The following ESS2 variants were observed in gnomAD, a reference collection of about 807,000 sequenced individuals.
ESS2 encodes splicing factor ESS-2 homolog.
In ESS2, 31 loss-of-function variants were observed where a neutral mutation model predicts 52.0. The observed-to-expected ratio is 0.60, with a 90% CI of 0.45 to 0.81. ESS2 has a LOEUF of 0.81. Among genes scored for constraint, ESS2 ranks in the 30% least tolerant of loss-of-function variants. The probability of loss-of-function intolerance (pLI) is 0.00; values close to 1 mark genes in which losing one functional copy is unlikely to be tolerated. For missense variants in ESS2, 602 were observed against 637.2 expected, an observed-to-expected ratio of 0.94 and a Z score of 0.59; for synonymous variants, 285 against 259.2, an observed-to-expected ratio of 1.10 and a Z score of -0.95.
At position 19,132,333 on chromosome 22, in the gene ESS2, G is replaced by A. The variant is rs140125132; in HGVS notation, c.*1863C>T. ...AGGCTTGAGGCCCGACCACCGGCCC[G>A]ACCACAAGCTTGGAGCCAAAACCCA... On this transcript the variant is annotated 3_prime_UTR_variant, in exon 10 of 10. Coordinates refer to ENST00000252137, the MANE Select transcript of ESS2 (RefSeq NM_022719.3). The surrounding 1 kb of genome is among the most constrained non-coding windows in gnomAD (Gnocchi z 4.2). The A allele has an allele frequency of 3.1e-5, 50 of 1,612,858 alleles. No homozygotes were observed. In the African/African-American group the frequency reaches 3.6e-4, roughly 12 times the overall value.
chr22:19,135,119 A>T lies in ESS2; in HGVS notation c.1092T>A (p.Ala364=), dbSNP rs144058409. The T allele has an allele frequency of 2.7e-5, 43 of 1,614,004 alleles. No individual in the cohort carries two copies. The highest frequency in any genetic ancestry group is 2.3e-4 in the Admixed American group (14 of 60,022). The stretch of plus-strand genomic sequence containing the variant: ...CCTGCTTCTTGGCCCGGTTCTTGGC[A>T]GCGGCCTCGTTGGCCATCTTCAGAC... ...RLGLKMANEA[A]AKNRAKKQEA... Residue 364 remains alanine (A), a synonymous_variant, in exon 9 of 10, where the codon GCT becomes GCA. Transcript: ENST00000252137.
chr22:19,144,420 TG>T, intron 1 of ESS2, 85 bp downstream of exon 1: 2 of 1,588,458 alleles, frequency 1.3e-6, no homozygotes, highest in Middle Eastern at 3.3e-4. Context: ...GGAGACGGAG[TG>T]TCAACACCCG....
At chr22:19,143,070 TG>T (rs554838187) in intron 1 of ESS2, among the ~76,000 whole-genome samples, 176 bp from the exon 2 acceptor site, 40 of 151,920 alleles carry the variant, frequency 2.6e-4, no homozygotes, top group South Asian at 8.3e-4. Flanking sequence ...CCGGGCGTGG[TG>T]GCAGGCACCT....
At position 19,131,464 on chromosome 22, in the gene ESS2, C is replaced by G; in HGVS notation, c.*2732G>C. On this transcript the variant is annotated 3_prime_UTR_variant, in exon 10 of 10. Transcript: ENST00000252137. The surrounding 1 kb of genome is among the most constrained non-coding windows in gnomAD (Gnocchi z 5.7). Reference sequence around the variant, plus strand: ...GTAGGCATCAATCTTGGCAAGGGTTCCTACGCAAAAGTCAAATCTGCCTAC... The same window carrying G: ...GTAGGCATCAATCTTGGCAAGGGTTGCTACGCAAAAGTCAAATCTGCCTAC... The G allele has an allele frequency of 1.2e-6, 2 of 1,614,082 alleles. No individual in the cohort carries two copies. The highest frequency in any genetic ancestry group is 4.5e-5 in the East Asian group (2 of 44,876).
chr22:19,140,679 C>T (rs2083671199), intron 3 of ESS2, among the ~76,000 whole-genome samples: 1 of 152,348 alleles, frequency 6.6e-6, no homozygotes, highest in African/African-American at 2.4e-5. Flanking sequence ...GTGGTGCAAA[C>T]TTCGGTGGGG....
rs2083747539 is a variant in ESS2 at position 19,144,342 on chromosome 22, G to A, written c.135+164C>T. Reference sequence around the variant, plus strand: ...CACTACTACAGCCTCTTCCACCACAGACGTCTTCCTCTGCCCTGTTTACTT... The same window carrying A: ...CACTACTACAGCCTCTTCCACCACAAACGTCTTCCTCTGCCCTGTTTACTT... On this transcript the variant is annotated intron_variant, in intron 1 of 9. Transcript: ENST00000252137. 1.9e-5 allele frequency: 27 copies of A among 1,434,026 alleles called. No individual in the cohort carries two copies. In the South Asian group the frequency reaches 3.9e-4, roughly 21 times the overall value. The allele number at this position is 1,434,026 out of a possible 1,614,324, so 88.8% of individuals were successfully genotyped here.
rs985040919 is a variant in ESS2 at position 19,131,441 on chromosome 22, A to T, written c.*2755T>A. On this transcript the variant is annotated 3_prime_UTR_variant, in exon 10 of 10. Coordinates refer to ENST00000252137, the MANE Select transcript of ESS2 (RefSeq NM_022719.3). This position sits in a 1 kb window ranked among gnomAD's most constrained non-coding sequence, Gnocchi z 5.7. The stretch of plus-strand genomic sequence containing the variant: ...TCCTAAGGAAGAAGGGTTACATCGT[A>T]GGCATCAATCTTGGCAAGGGTTCCT... 1.2e-6 allele frequency: 2 copies of T among 1,613,618 alleles called. No individual in the cohort carries two copies. Among genetic ancestry groups the T allele is most frequent in the African/African-American group, 2.7e-5 (2 of 74,916 alleles).
chr22:19,132,140 C>A lies in ESS2; in HGVS notation c.*2056G>T, dbSNP rs777865495. On this transcript the variant is annotated 3_prime_UTR_variant, in exon 10 of 10. Transcript: ENST00000252137. This position sits in a 1 kb window ranked among gnomAD's most constrained non-coding sequence, Gnocchi z 4.2. ...AGAACCTGACCTGCGAGTGCAAGGA[C>A]CTCATCTACCGCATGCTGCAGCCCG... 6.2e-7 allele frequency: 1 copy of A among 1,613,282 alleles called. No homozygotes were observed. The highest frequency in any genetic ancestry group is 1.7e-5 in the Admixed American group (1 of 59,996).
At position 19,134,163 on chromosome 22, in the gene ESS2, T is replaced by C. The variant is rs951568207; in HGVS notation, c.*33A>G. 1 of 1,478,624 alleles carries C rather than the reference T, an allele frequency of 6.8e-7. No individual in the cohort carries two copies. Among genetic ancestry groups the C allele is most frequent in the African/African-American group, 1.4e-5 (1 of 69,894 alleles). The allele number at this position is 1,478,624 out of a possible 1,614,324, so 91.6% of individuals were successfully genotyped here. ...GTGTACAGCTGCCCTGCAGGCTCTG[T>C]GAAGCGTCTATGAGCCCAGCCCAGG... On this transcript the variant is annotated 3_prime_UTR_variant, in exon 10 of 10. Coordinates refer to ENST00000252137, the MANE Select transcript of ESS2 (RefSeq NM_022719.3).
At chr22:19,137,952 A>G (rs1370004657) in intron 7 of ESS2, 7 of 985,228 alleles carry the variant, frequency 7.1e-6, no homozygotes, top group Non-Finnish European at 8.4e-6. Context: ...ACCCACTGAC[A>G]TCACAGTAAG....
rs2083519644 is a variant in ESS2 at position 19,132,452 on chromosome 22, T to G, written c.*1744A>C. ...CCAAAGACCATCACATCTCCGGAGC[T>G]GAGGTGGGGAAAGCAAGCACCTAGC... On this transcript the variant is annotated 3_prime_UTR_variant, in exon 10 of 10. Transcript: ENST00000252137. This position sits in a 1 kb window ranked among gnomAD's most constrained non-coding sequence, Gnocchi z 4.2. The G allele has an allele frequency of 6.2e-7, 1 of 1,610,728 alleles. No individual in the cohort carries two copies. Among genetic ancestry groups the G allele is most frequent in the Non-Finnish European group, 8.5e-7 (1 of 1,178,652 alleles).
intron 6 of ESS2, 78 bp from the exon 7 acceptor site, chr22:19,138,395 A>G (rs1330887489): frequency 7.6e-7 from 1 of 1,313,116 alleles, no homozygotes; most frequent in Non-Finnish European, 1.1e-6. Flanking sequence ...AACACGTGGG[A>G]ACATGCTGGA....
rs1487241060 is a variant in ESS2 at position 19,130,600 on chromosome 22, A to G, written c.*3596T>C. ...CCAGAGAGCTGCCTTAGACTATCCAATTGATCTATTCAAACAGCTGCCTGT... is the reference window on the plus strand; with the variant it reads ...CCAGAGAGCTGCCTTAGACTATCCAGTTGATCTATTCAAACAGCTGCCTGT... On this transcript the variant is annotated 3_prime_UTR_variant, in exon 10 of 10. Coordinates refer to ENST00000252137, the MANE Select transcript of ESS2 (RefSeq NM_022719.3). 2.5e-6 allele frequency: 1 copy of G among 399,846 alleles called. No homozygotes were observed. The highest frequency in any genetic ancestry group is 4.8e-6 in the Non-Finnish European group (1 of 207,588). 24.8% of individuals were successfully genotyped at this position (399,846 alleles called of 1,614,324 possible).
rs769912652 is a variant in ESS2, at chr22:19,134,369, G to A, written c.1258C>T (p.Pro420Ser). 3.7e-6 allele frequency: 6 copies of A among 1,612,310 alleles called. No individual in the cohort carries two copies. The South Asian group carries it at 6.6e-5, about 18-fold the overall frequency. The part of the protein sequence containing the change: ...TDRALRASYT[P>S]SPARSTHLKT... ...AGGTGGGTGGAGCGTGCTGGGGATG[G>A]TGTGTAGCTGGCCCGCAGGGCCCGG... Residue 420 changes from proline to serine, a missense_variant, in exon 10 of 10, where the codon CCA becomes TCA. Physicochemically the swap from Pro to Ser is moderately conservative, Grantham distance 74. Coordinates refer to ENST00000252137, the MANE Select transcript of ESS2 (RefSeq NM_022719.3).
rs17743887 is a variant in ESS2, at chr22:19,137,352, C to G, written c.1006G>C (p.Val336Leu). 1.6e-5 allele frequency: 26 copies of G among 1,613,636 alleles called. No homozygotes were observed. The African/African-American group carries it at 2.9e-4, about 18-fold the overall frequency. Residue 336 changes from valine (V) to leucine (L), a missense_variant, in exon 8 of 10, where the codon GTG (valine) becomes CTG (leucine). By Grantham distance (32) the Val-to-Leu change is conservative. Transcript: ENST00000252137. ...LRVEGSETPY[V>L]DRTPGPAFKI... is the part of the protein sequence containing the mutation. ...AAAGCTGGGCCGGGTGTCCTGTCCA[C>G]GTAGGGCGTTTCCGACCCTTCAACT...
chr22:19,135,671 T>A (rs1339344887), intron 8 of ESS2, among the ~76,000 whole-genome samples: 1 of 152,222 alleles, frequency 6.6e-6, no homozygotes, highest in Non-Finnish European at 1.5e-5. Flanking sequence ...TCTGCTGTAT[T>A]TGTTATTTTC....
chr22:19,144,187 G>A, intron 1 of ESS2: 1 of 1,114,680 alleles, frequency 9.0e-7, no homozygotes. Context: ...TGCTGCCACC[G>A]CTCTTTAGAA....
At position 19,132,395 on chromosome 22, in the gene ESS2, G is replaced by A. The variant is rs1352196230; in HGVS notation, c.*1801C>T. 6.2e-7 allele frequency: 1 copy of A among 1,613,054 alleles called. No homozygotes were observed. Among genetic ancestry groups the A allele is most frequent in the Non-Finnish European group, 8.5e-7 (1 of 1,180,010 alleles). On this transcript the variant is annotated 3_prime_UTR_variant, in exon 10 of 10. Transcript: ENST00000252137. The surrounding 1 kb of genome is among the most constrained non-coding windows in gnomAD (Gnocchi z 4.2). The stretch of plus-strand genomic sequence containing the variant: ...TGGTGGTGCCCGAGAACGAGAACAG[G>A]ATGGAGGACAGGCTGGCCGAGACCT...
chr22:19,130,475 A>T lies in ESS2; in HGVS notation c.*3721T>A, dbSNP rs2083496397. On this transcript the variant is annotated 3_prime_UTR_variant, in exon 10 of 10. Transcript: ENST00000252137. ...AAGGAGAAGGTCAGAGGCAAAAAAA[A>T]TGCTTGCTAAGTCCGATTAAAAGGG... 1 of 305,092 alleles carries T rather than the reference A, an allele frequency of 3.3e-6. No individual in the cohort carries two copies. Among genetic ancestry groups the T allele is most frequent in the Non-Finnish European group, 6.3e-6 (1 of 159,114 alleles). The allele number at this position is 305,092 out of a possible 1,614,324, so 18.9% of individuals were successfully genotyped here.
Sources: gnomAD v4.1 joint callset for allele counts (sites outside exome capture counted in the v4.1 genomes callset) on GRCh38, gnomAD v4.1.1 for gene constraint, Gnocchi (gnomAD v3.1) non-coding constraint, MANE v1.5 for transcripts, NCBI Gene and HGNC (gene_info 2026-07-23, HGNC 2026-07-21) for gene names.